Variants in PDPR observed in about 807,000 individuals in gnomAD.
PDPR encodes the protein pyruvate dehydrogenase phosphatase regulatory subunit, also known as pyruvate dehydrogenase phosphatase regulatory subunit, mitochondrial.
PDPR carries 50 observed loss-of-function variants against 102.2 expected under a neutral mutation model. The observed-to-expected ratio is 0.49, with a 90% confidence interval of 0.39 to 0.62. The LOEUF (loss-of-function observed/expected upper bound fraction) is 0.62, where lower values mean the gene tolerates loss of function less well. PDPR is among the 20% of genes least tolerant of loss of function. PDPR has a pLI of 0.00. For missense variants in PDPR, 625 were observed against 1,098.2 expected, an observed-to-expected ratio of 0.57 and a Z score of 6.09; for synonymous variants, 259 against 406.0, an observed-to-expected ratio of 0.64 and a Z score of 4.35.
At chr16:70,128,629 T>C (rs2549535) in intron 4 of PDPR, among the ~76,000 whole-genome samples, 155 bp from the exon 5 acceptor site, 1 of 151,586 alleles carries the variant, frequency 6.6e-6, no homozygotes, top group Non-Finnish European at 1.5e-5. Context: ...AAATTTTGCA[T>C]AGAAGCTCAG....
intron 3 of PDPR, among the ~76,000 whole-genome samples, chr16:70,125,124 C>T (rs1196795774): frequency 2.0e-5 from 3 of 152,330 alleles, no homozygotes; most frequent in African/African-American, 7.2e-5. Flanking sequence ...TGCCGGTAAT[C>T]CCAGCACTTT....
chr16:70,131,442 AAAAT>A (rs1340793291), intron 8 of PDPR, 23 bp downstream of exon 8: 1 of 1,452,078 alleles, frequency 6.9e-7, no homozygotes, highest in African/African-American at 1.4e-5. Flanking sequence ...ACTTTTTTAA[AAAAT>A]CTTGTTTCTT....
intron 3 of PDPR, among the ~76,000 whole-genome samples, chr16:70,123,317 A>G (rs1963545430): frequency 6.6e-6 from 1 of 152,214 alleles, no homozygotes; most frequent in Non-Finnish European, 1.5e-5. Context: ...GCTCACTACA[A>G]CCTCTGCCTC....
At chr16:70,127,599 C>T (rs1270222312) in intron 4 of PDPR, among the ~76,000 whole-genome samples, 26 of 152,262 alleles carry the variant, frequency 1.7e-4, no homozygotes, top group Non-Finnish European at 2.8e-4. Context: ...ACCATCCTGG[C>T]TAACATGGTG....
intron 17 of PDPR, among the ~76,000 whole-genome samples, chr16:70,150,531 A>ATTTTTTTTTTTTTTT (rs71151175): frequency 8.0e-5 from 11 of 138,320 alleles, no homozygotes; most frequent in African/African-American, 8.1e-5. Flanking sequence ...TTTTCTCTTA[A>ATTTTTTTTTTTTTTT]TTTTTTTTTT....
intron 3 of PDPR, among the ~76,000 whole-genome samples, chr16:70,121,815 A>C (rs1342527346): frequency 2.0e-5 from 3 of 148,612 alleles, no homozygotes; most frequent in Non-Finnish European, 4.4e-5. Context: ...CCCAAGCTGG[A>C]GTGCAGTCAC....
At position 70,157,802 on chromosome 16, in the gene PDPR, C is replaced by G. The variant is rs572550331; in HGVS notation, c.*923C>G. On this transcript the variant is annotated 3_prime_UTR_variant, in exon 19 of 19. Coordinates refer to ENST00000288050, the MANE Select transcript of PDPR (RefSeq NM_017990.5). ...AGTTCAGCCGTTCCTCCTTCCCCTT[C>G]TCCCAGTGCGTTTGACTTTGTCAGG... is the stretch of plus-strand genomic sequence containing the variant. 1.3e-5 allele frequency: 2 copies of G among 155,470 alleles called. No homozygotes were observed. The highest frequency in any genetic ancestry group is 3.8e-4 in the East Asian group (2 of 5,226). The allele number at this position is 155,470 out of a possible 1,614,324, so 9.6% of individuals were successfully genotyped here. A position where few individuals can be genotyped will look rare whatever the true frequency, so the allele number is the denominator to read the frequency against.
rs1295921551 is a variant in PDPR, at chr16:70,160,884, T to A, written c.*4005T>A. The A allele has an allele frequency of 6.6e-6, 1 of 152,468 alleles. No homozygotes were observed. Among genetic ancestry groups the A allele is most frequent in the Non-Finnish European group, 1.5e-5 (1 of 68,166 alleles). The allele number at this position is 152,468 out of a possible 1,614,324, so 9.4% of individuals were successfully genotyped here. Reference sequence around the variant, plus strand: ...CCTTCATTTCTGGCTCTGTGTCTCCTCTGGCATATGGACACATTTCCTGGC... The same window carrying A: ...CCTTCATTTCTGGCTCTGTGTCTCCACTGGCATATGGACACATTTCCTGGC... On this transcript the variant is annotated 3_prime_UTR_variant, in exon 19 of 19. Coordinates refer to ENST00000288050, the MANE Select transcript of PDPR (RefSeq NM_017990.5).
chr16:70,141,937 TAA>T (rs1005419699), intron 11 of PDPR, among the ~76,000 whole-genome samples: 2 of 152,242 alleles, frequency 1.3e-5, no homozygotes, highest in Admixed American at 6.5e-5. Flanking sequence ...CTGTCTCTAC[TAA>T]AAATACAAAA....
intron 9 of PDPR, among the ~76,000 whole-genome samples, chr16:70,133,143 C>G (rs1244297538): frequency 2.8e-5 from 3 of 106,568 alleles, no homozygotes; most frequent in Non-Finnish European, 5.1e-5. Flanking sequence ...GAGATGAAGT[C>G]TCGCTCTGTT....
chr16:70,155,342 C>T (rs1341084824), intron 18 of PDPR, among the ~76,000 whole-genome samples: 2 of 152,154 alleles, frequency 1.3e-5, no homozygotes, highest in East Asian at 1.9e-4. Context: ...AGTGCAGTGG[C>T]GCGATCTCAG....
intron 9 of PDPR, among the ~76,000 whole-genome samples, chr16:70,134,323 T>A (rs1411437962): frequency 2.0e-5 from 3 of 152,060 alleles, no homozygotes; most frequent in African/African-American, 7.2e-5. Flanking sequence ...CCTCCTGGAT[T>A]CAAGCAATTC....
At position 70,157,455 on chromosome 16, in the gene PDPR, C is replaced by G; in HGVS notation, c.*576C>G. On this transcript the variant is annotated 3_prime_UTR_variant, in exon 19 of 19. Transcript: ENST00000288050. ...TATCTACCTCACTGATAAGAGGCAT[C>G]GCATGGACGTTCTCTGGTCTGTAGT... 2.9e-6 allele frequency: 1 copy of G among 345,612 alleles called. No homozygotes were observed. The highest frequency in any genetic ancestry group is 7.5e-5 in the East Asian group (1 of 13,250). 21.4% of individuals were successfully genotyped at this position (345,612 alleles called of 1,614,324 possible). A position where few individuals can be genotyped will look rare whatever the true frequency, so the allele number is the denominator to read the frequency against.
At chr16:70,148,220 A>G (rs527559043) in intron 16 of PDPR, among the ~76,000 whole-genome samples, 1 of 152,342 alleles carries the variant, frequency 6.6e-6, no homozygotes, top group Admixed American at 6.5e-5. Context: ...ACTCTCTACC[A>G]TCAGCTTGGC....
chr16:70,147,413 G>T (rs1966324663), intron 16 of PDPR: 1 of 374,370 alleles, frequency 2.7e-6, no homozygotes, highest in Non-Finnish European at 5.2e-6. Flanking sequence ...TCGAAGTTAG[G>T]TCCCTTCTCT....
chr16:70,137,643 T>TG (rs1188108975), intron 10 of PDPR, among the ~76,000 whole-genome samples: 5 of 152,274 alleles, frequency 3.3e-5, no homozygotes, highest in African/African-American at 9.6e-5. Context: ...TACTTACAAA[T>TG]GGGTAAGATG....
chr16:70,153,624 T>G, intron 18 of PDPR, 51 bp downstream of exon 18: 1 of 1,510,094 alleles, frequency 6.6e-7, no homozygotes, highest in Non-Finnish European at 9.0e-7. Context: ...GAGTAGTGAA[T>G]CTGCACTAGA....
chr16:70,144,355 A>G, intron 14 of PDPR, 66 bp from the exon 15 acceptor site: 1 of 457,156 alleles, frequency 2.2e-6, no homozygotes, highest in East Asian at 5.3e-5. Flanking sequence ...ACCAAATAAG[A>G]TTTGATTGCT....
chr16:70,156,328 GCA>G (rs569149800), intron 18 of PDPR, 145 bp from the exon 19 acceptor site: 56 of 961,868 alleles, frequency 5.8e-5, no homozygotes, highest in Middle Eastern at 6.2e-4. Context: ...GGTAGAAATC[GCA>G]CAGTTTCCCA....
Sources: gnomAD v4.1 joint callset for allele counts (sites outside exome capture counted in the v4.1 genomes callset) on GRCh38, gnomAD v4.1.1 for gene constraint, MANE v1.5 for transcripts, NCBI Gene and HGNC (gene_info 2026-07-23, HGNC 2026-07-21) for gene names.